The following PLAAT1 variants were observed in gnomAD, a reference collection of about 807,000 sequenced individuals.
PLAAT1 encodes phospholipase A and acyltransferase 1.
In PLAAT1, 13 loss-of-function variants were observed where a neutral mutation model predicts 16.4. The observed-to-expected ratio is 0.79, with a 90% CI of 0.52 to 1.26. PLAAT1 has a LOEUF of 1.26. Among genes scored for constraint, PLAAT1 ranks in the 50% most tolerant of loss-of-function variants. The probability of loss-of-function intolerance (pLI) is 0.00; values close to 1 mark genes in which losing one functional copy is unlikely to be tolerated. For missense variants in PLAAT1, 218 were observed against 207.8 expected (o/e 1.05, Z -0.30); for synonymous variants, 73 against 78.4 (o/e 0.93, Z 0.36).
chr3:193,242,108 G>GT (rs60283760), intron 1 of PLAAT1, among the ~76,000 whole-genome samples: 66,096 of 145,938 alleles, frequency 0.45, 15,901 homozygotes, highest in African/African-American at 0.62. Flanking sequence ...ATTATGAGAG[G>GT]TTTTTTTTTT....
intron 1 of PLAAT1, among the ~76,000 whole-genome samples, chr3:193,253,994 G>C (rs1716288637): frequency 1.3e-5 from 2 of 152,178 alleles, no homozygotes; most frequent in East Asian, 1.9e-4. Flanking sequence ...TTGTGTGTTT[G>C]CTGATTCCTA....
chr3:193,257,151 C>T (rs1444568845), intron 2 of PLAAT1, among the ~76,000 whole-genome samples: 2 of 152,094 alleles, frequency 1.3e-5, no homozygotes, highest in Admixed American at 1.3e-4. Flanking sequence ...TTCTTTTGAT[C>T]CAACACGAAA....
At chr3:193,243,036 G>T (rs1715836688) in intron 1 of PLAAT1, among the ~76,000 whole-genome samples, 7 of 152,142 alleles carry the variant, frequency 4.6e-5, no homozygotes, top group Admixed American at 4.6e-4. Context: ...TTATTTTGAT[G>T]CATCCCCAGG....
chr3:193,273,045 T>C (rs1717040053), downstream of PLAAT1, among the ~76,000 whole-genome samples: 1 of 152,218 alleles, frequency 6.6e-6, no homozygotes, highest in Non-Finnish European at 1.5e-5. Context: ...GAAATAAAGA[T>C]CGTTATCCAC....
chr3:193,276,212 C>CA (rs967781397), intron 2 of PLAAT1, among the ~76,000 whole-genome samples: 3 of 152,062 alleles, frequency 2.0e-5, no homozygotes, highest in Non-Finnish European at 4.4e-5. Context: ...TCTCCTTTTA[C>CA]AAAAAAGAAC....
intron 2 of PLAAT1, among the ~76,000 whole-genome samples, chr3:193,275,953 T>C (rs1416076557): frequency 1.3e-5 from 2 of 152,188 alleles, no homozygotes; most frequent in African/African-American, 4.8e-5. Context: ...TTTCCTCAAA[T>C]CGCTGTATAG....
chr3:193,279,074 T>C (rs75201411), downstream of PLAAT1, among the ~76,000 whole-genome samples: 1,607 of 152,332 alleles, frequency 0.011, 54 homozygotes, highest in East Asian at 0.072. Flanking sequence ...GGAAAATTAT[T>C]GTATTATTGC....
chr3:193,255,389 AG>A (rs533710899), intron 1 of PLAAT1, among the ~76,000 whole-genome samples: 1 of 152,156 alleles, frequency 6.6e-6, no homozygotes, highest in South Asian at 2.1e-4. Context: ...GTTATTATAA[AG>A]GGGCTCTGAA....
intron 1 of PLAAT1, among the ~76,000 whole-genome samples, chr3:193,250,244 A>G (rs936286235): frequency 6.6e-6 from 1 of 152,134 alleles, no homozygotes; most frequent in Non-Finnish European, 1.5e-5. Flanking sequence ...CCCAAATTAA[A>G]GTTTCAAGTC....
chr3:193,244,377 CAA>C (rs955288617), intron 1 of PLAAT1, among the ~76,000 whole-genome samples: 2 of 151,942 alleles, frequency 1.3e-5, no homozygotes, highest in Non-Finnish European at 2.9e-5. Context: ...CAGTTAATGA[CAA>C]TGATGACTCT....
chr3:193,278,674 C>G (rs561929485), downstream of PLAAT1, among the ~76,000 whole-genome samples: 1 of 152,344 alleles, frequency 6.6e-6, no homozygotes, highest in Admixed American at 6.5e-5. Flanking sequence ...TGAAATGCCT[C>G]CCATGACAGC....
chr3:193,263,832 A>G (rs1716678741), intron 3 of PLAAT1, among the ~76,000 whole-genome samples: 1 of 152,176 alleles, frequency 6.6e-6, no homozygotes, highest in Non-Finnish European at 1.5e-5. Context: ...TTTGTCAGTT[A>G]CTACCATTGT....
downstream of PLAAT1, among the ~76,000 whole-genome samples, chr3:193,273,333 T>C (rs1265312151): frequency 1.3e-5 from 2 of 152,214 alleles, no homozygotes; most frequent in African/African-American, 4.8e-5. Context: ...ATTATACACA[T>C]TGTAGAAATT....
At chr3:193,278,543 A>G (rs1717328871), downstream of PLAAT1, among the ~76,000 whole-genome samples, 1 of 152,078 alleles carries the variant, frequency 6.6e-6, no homozygotes, top group Middle Eastern at 3.2e-3. Flanking sequence ...TGCATTTCTA[A>G]AACAAAACCT....
In PLAAT1 at chr3:193,270,809, T is replaced by C. The variant is rs1716962701; in HGVS notation, c.*104T>C. The C allele has an allele frequency of 2.1e-6, 3 of 1,441,038 alleles. No homozygotes were observed. In the South Asian group the frequency reaches 4.7e-5, roughly 23 times the overall value. 89.3% of individuals were successfully genotyped at this position (1,441,038 alleles called of 1,614,324 possible). A position where few individuals can be genotyped will look rare whatever the true frequency, so the allele number is the denominator to read the frequency against. ...GCATCATTACTGTTCCAGATTCCTA[T>C]GATGGATGGCAGACTCTTTAATAAA... On this transcript the variant is annotated 3_prime_UTR_variant, in exon 4 of 4. Transcript: ENST00000264735.
intron 2 of PLAAT1, among the ~76,000 whole-genome samples, chr3:193,258,751 C>CAAT (rs1235643877): frequency 1.3e-5 from 2 of 151,594 alleles, no homozygotes; most frequent in African/African-American, 2.4e-5. Context: ...GAATCAGTAA[C>CAAT]AATAATAATA....
intron 1 of PLAAT1, among the ~76,000 whole-genome samples, chr3:193,251,622 A>G (rs779805515): frequency 6.6e-6 from 1 of 152,142 alleles, no homozygotes; most frequent in African/African-American, 2.4e-5. Context: ...AAAGTTGAAC[A>G]TTAGGTGTAA....
intron 2 of PLAAT1, among the ~76,000 whole-genome samples, chr3:193,277,221 C>G (rs2108812246): frequency 6.6e-6 from 1 of 152,302 alleles, no homozygotes; most frequent in East Asian, 1.9e-4. Flanking sequence ...AAAGCAAATT[C>G]TACCTGGAAT....
At chr3:193,270,856 T>C (rs1248245164), downstream of PLAAT1, 1 of 1,317,958 alleles carries the variant, frequency 7.6e-7, no homozygotes, top group Non-Finnish European at 9.7e-7. Flanking sequence ...TATTATCTTA[T>C]CATTGAGCCA....
Sources: allele counts gnomAD v4.1 joint callset (sites outside exome capture counted in the v4.1 genomes callset), GRCh38; gene constraint gnomAD v4.1.1; transcripts MANE v1.5; gene names NCBI Gene and HGNC (gene_info 2026-07-23, HGNC 2026-07-21).